ZDHHC16: variants seen among roughly 807,000 people sequenced by gnomAD.
ZDHHC16 encodes the protein palmitoyltransferase ZDHHC16.
A neutral mutation model predicts 54.4 loss-of-function variants in ZDHHC16; 33 were observed. That is an observed-to-expected ratio of 0.61 (90% CI 0.46 to 0.81). The LOEUF (loss-of-function observed/expected upper bound fraction) is 0.81, where lower values mean the gene tolerates loss of function less well. Ranked by LOEUF, ZDHHC16 falls within the 30% of genes least tolerant of loss-of-function variation. The probability of loss-of-function intolerance (pLI) is 0.00; values close to 1 mark genes in which losing one functional copy is unlikely to be tolerated. For synonymous variants in ZDHHC16, 185 were observed against 182.1 expected, an observed-to-expected ratio of 1.02 and a Z score of -0.13; for missense variants, 420 against 485.9, an observed-to-expected ratio of 0.86 and a Z score of 1.28.
At chr10:97,455,879 T>C in intron 10 of ZDHHC16, 95 bp from the exon 11 acceptor site, 2 of 1,602,686 alleles carry the variant, frequency 1.2e-6, no homozygotes, top group South Asian at 2.2e-5. Context: ...GGGCAAGCAT[T>C]GTAAAAGGCC....
At chr10:97,452,064 C>CTCCCTGACCTTGCTGGTCAGG in intron 3 of ZDHHC16, 26 bp from the exon 4 acceptor site, 1 of 1,613,554 alleles carries the variant, frequency 6.2e-7, no homozygotes, top group Non-Finnish European at 8.5e-7. Context: ...TGCGCCATGT[C>CTCCCTGACCTTGCTGGTCAGG]TCCCTGACCT....
chr10:97,449,461 A>G (rs549133266), intron 1 of ZDHHC16, among the ~76,000 whole-genome samples: 2 of 152,154 alleles, frequency 1.3e-5, no homozygotes, highest in African/African-American at 2.4e-5. Flanking sequence ...GTGGGTGTCT[A>G]CTATTTTAAA....
rs772375151 is a variant in ZDHHC16, at chr10:97,452,082, G to T, written c.244-8G>T. 2.5e-6 allele frequency: 4 copies of T among 1,613,752 alleles called. No homozygotes were observed. Among genetic ancestry groups the T allele is most frequent in the Non-Finnish European group, 3.4e-6 (4 of 1,180,020 alleles). On this transcript the variant is annotated splice_region_variant and splice_polypyrimidine_tract_variant and intron_variant, in intron 3 of 11. Coordinates refer to ENST00000393760, the MANE Select transcript of ZDHHC16 (RefSeq NM_198046.3). ...GCCATGTCTCCCTGACCTTGCTGGT[G>T]TTGGCAGGTGTTCGTGGTCCTGGTG...
intron 11 of ZDHHC16, 27 bp from the exon 12 acceptor site, chr10:97,456,750 C>CAA (rs747995134): frequency 8.4e-6 from 13 of 1,540,032 alleles, no homozygotes; most frequent in Admixed American, 3.5e-5. Context: ...TTCTTGAACT[C>CAA]AGAGACATTT....
Position 97,453,572 on chromosome 10 carries a change from T to A in ZDHHC16, c.599T>A (p.Phe200Tyr), listed in dbSNP as rs1458506198. The A allele has an allele frequency of 1.9e-6, 3 of 1,614,194 alleles. No individual in the cohort carries two copies. Among genetic ancestry groups the A allele is most frequent in the South Asian group, 2.2e-5 (2 of 91,078 alleles). The change falls in exon 7 of 12, where the codon TTC becomes TAC. Residue 200 changes from phenylalanine (F) to tyrosine (Y), a missense_variant. Physicochemically the swap from Phe to Tyr is conservative, Grantham distance 22. Coordinates refer to ENST00000393760, the MANE Select transcript of ZDHHC16 (RefSeq NM_198046.3). ...NCVGHYNHRY[F>Y]FSFCFFMTLG... ...GTGGGCCACTATAACCATCGGTACT[T>A]CTTCTCTTTCTGCTTTTTCATGACT...
In ZDHHC16 at chr10:97,457,068, A is replaced by C; in HGVS notation, c.*177A>C. On this transcript the variant is annotated 3_prime_UTR_variant, in exon 12 of 12. Coordinates refer to ENST00000393760, the MANE Select transcript of ZDHHC16 (RefSeq NM_198046.3). The stretch of plus-strand genomic sequence containing the variant: ...TTTTACCACTGCAGAAGAAAGACAC[A>C]ATGTGGAGAAATCTTAGGACTGACA... 4.7e-6 allele frequency: 2 copies of C among 426,392 alleles called. No homozygotes were observed. The highest frequency in any genetic ancestry group is 8.4e-6 in the Non-Finnish European group (2 of 239,112). The allele number at this position is 426,392 out of a possible 1,614,324, so 26.4% of individuals were successfully genotyped here.
In ZDHHC16 at chr10:97,452,507, G is replaced by C; in HGVS notation, c.527+4G>C. The C allele has an allele frequency of 6.2e-7, 1 of 1,613,336 alleles. No individual in the cohort carries two copies. Among genetic ancestry groups the C allele is most frequent in the East Asian group, 2.2e-5 (1 of 44,886 alleles). ...ACCACTGCAGCATCTGCAACAGGTG[G>C]GTCTTGGCTTTGCTCTCTGGGAATC... On this transcript the variant is annotated splice_donor_region_variant and intron_variant, in intron 5 of 11. Coordinates refer to ENST00000393760, the MANE Select transcript of ZDHHC16 (RefSeq NM_198046.3).
At chr10:97,451,587 C>A in intron 2 of ZDHHC16, 84 bp from the exon 3 acceptor site, 1 of 1,518,230 alleles carries the variant, frequency 6.6e-7, no homozygotes, top group Non-Finnish European at 8.8e-7. Context: ...TCTTTGCCCT[C>A]CAAGTGAGTA....
Position 97,455,702 on chromosome 10 carries a change from T to C in ZDHHC16, c.867T>C (p.Ala289=). ...TGGGTGCCCTAACTGTATGGCATGC[T>C]GTTCTCATCAGTCGAGGTGAGACTA... The part of the protein sequence containing the change: ...LALGALTVWH[A]VLISRGETSI... Residue 289 remains alanine (A), a synonymous_variant, in exon 10 of 12, where the codon GCT becomes GCC. Transcript: ENST00000393760. The C allele has an allele frequency of 6.2e-7, 1 of 1,614,210 alleles. No homozygotes were observed. Among genetic ancestry groups the C allele is most frequent in the Non-Finnish European group, 8.5e-7 (1 of 1,180,034 alleles).
chr10:97,449,492 T>G (rs760554314), intron 1 of ZDHHC16, among the ~76,000 whole-genome samples: 47 of 152,310 alleles, frequency 3.1e-4, no homozygotes, highest in Non-Finnish European at 5.1e-4. Flanking sequence ...ACAAGCCAAA[T>G]CATGCTTCCA....
At position 97,453,526 on chromosome 10, in the gene ZDHHC16, C is replaced by A. The variant is rs1846852710; in HGVS notation, c.557-4C>A. 3 of 1,613,872 alleles carry A rather than the reference C, an allele frequency of 1.9e-6. No individual in the cohort carries two copies. Among genetic ancestry groups the A allele is most frequent in the Non-Finnish European group, 2.5e-6 (3 of 1,179,934 alleles). ...ATTCTAGTCCTTAATCATTTCCCAA[C>A]CAGCCTGGCTAAACAATTGTGTGGG... On this transcript the variant is annotated splice_region_variant and splice_polypyrimidine_tract_variant and intron_variant, in intron 6 of 11. Transcript: ENST00000393760.
intron 8 of ZDHHC16, 111 bp from the exon 9 acceptor site, chr10:97,454,603 T>TA (rs1442585847): frequency 5.0e-5 from 51 of 1,011,508 alleles, no homozygotes; most frequent in Non-Finnish European, 6.9e-5. Flanking sequence ...TCTGTGGCTT[T>TA]ACCCTGTTTT....
rs1846738917 is a variant in ZDHHC16, at chr10:97,452,501, C to G, written c.525C>G (p.Asn175Lys). 1.2e-6 allele frequency: 2 copies of G among 1,613,794 alleles called. No homozygotes were observed. Among genetic ancestry groups the G allele is most frequent in the Non-Finnish European group, 1.7e-6 (2 of 1,179,884 alleles). Residue 175 changes from asparagine to lysine, a missense_variant and splice_region_variant, in exon 5 of 12, where the codon AAC (asparagine) becomes AAG (lysine). Transcript: ENST00000393760. ...PARTHHCSIC[N>K]RCVLKMDHHC... Reference sequence around the variant, plus strand: ...GAACACACCACTGCAGCATCTGCAACAGGTGGGTCTTGGCTTTGCTCTCTG... The same window carrying G: ...GAACACACCACTGCAGCATCTGCAAGAGGTGGGTCTTGGCTTTGCTCTCTG...
intron 11 of ZDHHC16, chr10:97,456,315 C>A: frequency 2.3e-6 from 1 of 435,338 alleles, no homozygotes; most frequent in Non-Finnish European, 4.1e-6. Context: ...GATATGGTGG[C>A]CACCAGTCAC....
At chr10:97,454,530 T>C (rs1204427605) in intron 8 of ZDHHC16, among the ~76,000 whole-genome samples, 184 bp from the exon 9 acceptor site, 1 of 152,174 alleles carries the variant, frequency 6.6e-6, no homozygotes, top group Non-Finnish European at 1.5e-5. Context: ...TGCTGCCCAG[T>C]GTTTGTCCAT....
rs371886378 is a variant in ZDHHC16 at position 97,451,929 on chromosome 10, T to A, written c.243+11T>A. On this transcript the variant is annotated intron_variant, in intron 3 of 11. Coordinates refer to ENST00000393760, the MANE Select transcript of ZDHHC16 (RefSeq NM_198046.3). The stretch of plus-strand genomic sequence containing the variant: ...CGCTGGTTTGGAGTGGTGAGTGATG[T>A]CCAGGGAGCAGGAAAAGGGGTGTTG... 112 of 1,603,280 alleles carry A rather than the reference T, an allele frequency of 7.0e-5. No homozygotes were observed. The highest frequency in any genetic ancestry group is 8.8e-5 in the Non-Finnish European group (103 of 1,173,426).
rs750318193 is a variant in ZDHHC16, at chr10:97,452,042, G to C, written c.244-48G>C. The C allele has an allele frequency of 1.9e-5, 31 of 1,611,858 alleles. No individual in the cohort carries two copies. The African/African-American group carries it at 3.3e-4, about 17-fold the overall frequency. ...CCCAGGGAAACTCCGAGTCTCCTTT[G>C]GGCATAGCTCTTGCGCCATGTCTCC... On this transcript the variant is annotated intron_variant, in intron 3 of 11. Transcript: ENST00000393760.
rs924482278 is a variant in ZDHHC16 at position 97,446,220 on chromosome 10, G to A, written c.-319G>A. ...GGCGGGTCCGGGTCCGCTGCCTGGC[G>A]CTGCGGGCGGCGGGCCATGGTGGTT... On this transcript the variant is annotated 5_prime_UTR_variant, in exon 1 of 12. Transcript: ENST00000393760. 2 of 622,234 alleles carry A rather than the reference G, an allele frequency of 3.2e-6. No individual in the cohort carries two copies. Among genetic ancestry groups the A allele is most frequent in the African/African-American group, 3.7e-5 (2 of 54,244 alleles). The allele number at this position is 622,234 out of a possible 1,614,324, so 38.5% of individuals were successfully genotyped here.
At chr10:97,453,937 GTAGAGGCTGCCGAGAGGCCACTCTAGA>G in intron 8 of ZDHHC16, 91 bp downstream of exon 8, 1 of 1,571,648 alleles carries the variant, frequency 6.4e-7, no homozygotes. Flanking sequence ...CCATGTAGTT[GTAGAGGCTGCCGAGAGGCCACTCTAGA>G]CCAGATCAGG....
Sources: gnomAD v4.1 joint callset for allele counts (sites outside exome capture counted in the v4.1 genomes callset) on GRCh38, gnomAD v4.1.1 for gene constraint, MANE v1.5 for transcripts, NCBI Gene and HGNC (gene_info 2026-07-23, HGNC 2026-07-21) for gene names.